Variants in FRMD4B observed in about 807,000 individuals in gnomAD.
The protein encoded by FRMD4B is FERM domain-containing protein 4B.
FRMD4B carries 74 observed loss-of-function variants against 141.5 expected under a neutral mutation model. The observed-to-expected ratio is 0.52, with a 90% CI of 0.43 to 0.63. The LOEUF (loss-of-function observed/expected upper bound fraction) is 0.63. Among genes scored for constraint, FRMD4B ranks in the 30% least tolerant of loss-of-function variants. The pLI is 0.00. For synonymous variants in FRMD4B, 506 were observed against 467.9 expected, an observed-to-expected ratio of 1.08 and a Z score of -1.05; for missense variants, 1,366 against 1,253.4, an observed-to-expected ratio of 1.09 and a Z score of -1.36.
intron 1 of FRMD4B, among the ~76,000 whole-genome samples, chr3:69,454,492 GT>G (rs1298252462): frequency 6.6e-6 from 1 of 152,232 alleles, no homozygotes; most frequent in East Asian, 1.9e-4. Flanking sequence ...GCCAGCGCCA[GT>G]TCCAGGTGGG....
chr3:69,255,908 T>G (rs746640474), intron 5 of FRMD4B, among the ~76,000 whole-genome samples: 11 of 152,080 alleles, frequency 7.2e-5, no homozygotes, highest in Non-Finnish European at 1.2e-4. Flanking sequence ...GAGTCAGACT[T>G]CAAAGCTTTT....
chr3:69,437,204 C>T (rs1437964250), intron 1 of FRMD4B, among the ~76,000 whole-genome samples: 1 of 152,020 alleles, frequency 6.6e-6, no homozygotes. Context: ...TCCTGAGTAG[C>T]TGGGACCACA....
At chr3:69,187,548 A>T (rs76122125) in intron 19 of FRMD4B, among the ~76,000 whole-genome samples, 27,121 of 141,576 alleles carry the variant, frequency 0.19, 3,183 homozygotes, top group Non-Finnish European at 0.25. Flanking sequence ...CTCAAAAAAA[A>T]AAAAATATAT....
intron 5 of FRMD4B, among the ~76,000 whole-genome samples, chr3:69,268,817 C>CT (rs1325642638): frequency 6.6e-6 from 1 of 151,762 alleles, no homozygotes; most frequent in African/African-American, 2.4e-5. Context: ...AATTGAACTG[C>CT]TCATTTATTA....
At chr3:69,398,926 A>G (rs900824880) in intron 2 of FRMD4B, among the ~76,000 whole-genome samples, 1 of 152,148 alleles carries the variant, frequency 6.6e-6, no homozygotes, top group Non-Finnish European at 1.5e-5. Context: ...TATATAAGCT[A>G]TTTTAAAAGA....
Position 69,382,386 on chromosome 3 carries a change from G to A in FRMD4B, c.162+3442C>T, listed in dbSNP as rs150631795. Among the ~76,000 whole-genome samples the A allele has an allele frequency of 7.0e-3, 1,069 of 152,216 alleles. 16 individuals carry two copies. The highest frequency in any genetic ancestry group is 0.024 in the African/African-American group (1,004 of 41,536). On this transcript the variant is annotated intron_variant, in intron 1 of 22. Coordinates refer to ENST00000398540, the MANE Select transcript of FRMD4B (RefSeq NM_015123.3). Reference sequence around the variant, plus strand: ...GACGGGGTCTTGCCATGTTGGCCACGCTGGTCTTGAACTCCTGACCTCAAG... The same window carrying A: ...GACGGGGTCTTGCCATGTTGGCCACACTGGTCTTGAACTCCTGACCTCAAG...
chr3:69,481,182 C>A lies in FRMD4B; in HGVS notation c.-128-48421G>T, dbSNP rs548127016. On this transcript the variant is annotated intron_variant, in intron 1 of 5. Coordinates refer to the FRMD4B transcript ENST00000459638. ...ACTTCCCGAGTGAGGTAATGCCTCG[C>A]CCTGCTTCAGCTTGCGCACGGTGTG... Among the ~76,000 whole-genome samples the A allele has an allele frequency of 1.4e-4, 21 of 152,316 alleles. No homozygotes were observed. The East Asian group carries it at 3.9e-3, about 28-fold the overall frequency.
At chr3:69,207,777 C>T (rs911622350) in intron 11 of FRMD4B, among the ~76,000 whole-genome samples, 2 of 151,622 alleles carry the variant, frequency 1.3e-5, no homozygotes, top group Admixed American at 1.3e-4. Context: ...CAATGCACTC[C>T]AGCCTGGTGA....
intron 1 of FRMD4B, among the ~76,000 whole-genome samples, chr3:69,441,078 T>A (rs1162179366): frequency 6.6e-6 from 1 of 152,202 alleles, no homozygotes. Flanking sequence ...GAAACCCAAA[T>A]CTGAAGATAG....
At chr3:69,294,987 G>A (rs1049112585) in intron 4 of FRMD4B, among the ~76,000 whole-genome samples, 1 of 152,204 alleles carries the variant, frequency 6.6e-6, no homozygotes, top group African/African-American at 2.4e-5. Flanking sequence ...ATATTCAAAG[G>A]CTGTGACAGA....
chr3:69,423,105 C>T (rs1351888232), intron 2 of FRMD4B, among the ~76,000 whole-genome samples: 1 of 152,174 alleles, frequency 6.6e-6, no homozygotes, highest in Non-Finnish European at 1.5e-5. Context: ...TCAAACTTGC[C>T]TACTGGTTAG....
intron 1 of FRMD4B, among the ~76,000 whole-genome samples, chr3:69,328,924 C>T (rs556689020): frequency 4.6e-5 from 7 of 152,266 alleles, no homozygotes; most frequent in East Asian, 1.9e-4. Flanking sequence ...TAGCAGCTCT[C>T]GGTGCTGCTC....
At chr3:69,268,346 G>T (rs1327658408) in intron 5 of FRMD4B, among the ~76,000 whole-genome samples, 2 of 151,978 alleles carry the variant, frequency 1.3e-5, no homozygotes, top group African/African-American at 4.9e-5. Flanking sequence ...AGGCATGGAG[G>T]TTCCAGGGCA....
intron 1 of FRMD4B, among the ~76,000 whole-genome samples, chr3:69,338,407 G>T (rs1026506155): frequency 9.2e-5 from 14 of 152,010 alleles, no homozygotes; most frequent in African/African-American, 3.4e-4. Context: ...GTATATATAT[G>T]TAACAAACCT....
chr3:69,509,870 G>A (rs57759765), intron 1 of FRMD4B, among the ~76,000 whole-genome samples: 3 of 151,388 alleles, frequency 2.0e-5, no homozygotes, highest in Non-Finnish European at 4.4e-5. Context: ...ATACTAAAGC[G>A]AGTATCAAAT....
At chr3:69,477,517 C>G (rs1422610640) in intron 1 of FRMD4B, among the ~76,000 whole-genome samples, 2 of 151,542 alleles carry the variant, frequency 1.3e-5, no homozygotes, top group Non-Finnish European at 2.9e-5. Context: ...TATTGATTTG[C>G]ATATATTGAA....
intron 1 of FRMD4B, among the ~76,000 whole-genome samples, chr3:69,333,207 T>C (rs1056993665): frequency 6.6e-6 from 1 of 152,268 alleles, no homozygotes; most frequent in African/African-American, 2.4e-5. Context: ...TTAAAAAAAA[T>C]TGGAGAATTC....
intron 21 of FRMD4B, among the ~76,000 whole-genome samples, chr3:69,179,838 T>C (rs1488277314): frequency 6.6e-6 from 1 of 152,214 alleles, no homozygotes; most frequent in East Asian, 1.9e-4. Context: ...GGCCAGGAAC[T>C]AGTTCAACAA....
At chr3:69,541,788 T>TCCC (rs1559557878) in intron 1 of FRMD4B, among the ~76,000 whole-genome samples, 4 of 135,878 alleles carry the variant, frequency 2.9e-5, no homozygotes, top group South Asian at 2.4e-4. Flanking sequence ...CTCCAGGGAT[T>TCCC]TCCCCCCCCT....
Sources: allele counts gnomAD v4.1 joint callset (sites outside exome capture counted in the v4.1 genomes callset), GRCh38; gene constraint gnomAD v4.1.1; transcripts MANE v1.5; gene names NCBI Gene and HGNC (gene_info 2026-07-23, HGNC 2026-07-21).